The following SAMD5 variants were observed in gnomAD, a reference collection of about 807,000 sequenced individuals.
SAMD5 encodes sterile alpha motif domain containing 5, also known as sterile alpha motif domain-containing protein 5.
A neutral mutation model predicts 11.3 loss-of-function variants in SAMD5; 13 were observed. The observed-to-expected ratio is 1.15, with a 90% CI of 0.75 to 1.83. The LOEUF (loss-of-function observed/expected upper bound fraction) is 1.83, where lower values mean the gene tolerates loss of function less well. Ranked by LOEUF, SAMD5 falls within the 40% of genes most tolerant of loss-of-function variation. The pLI, the probability that SAMD5 is intolerant of heterozygous loss-of-function variation, is 0.00. For missense variants in SAMD5, 255 were observed against 239.1 expected, an observed-to-expected ratio of 1.07 and a Z score of -0.44; for synonymous variants, 129 against 111.3, an observed-to-expected ratio of 1.16 and a Z score of -1.00.
the SAMD5 span, among the ~76,000 whole-genome samples, chr6:147,937,702 C>G: frequency 1.3e-5 from 2 of 152,126 alleles, no homozygotes; most frequent in Non-Finnish European, 2.9e-5. Flanking sequence ...TTCTTAATAA[C>G]CAGAGGGTTA....
At chr6:147,728,081 A>T (rs1185583385) in intron 1 of SAMD5, among the ~76,000 whole-genome samples, 2 of 152,210 alleles carry the variant, frequency 1.3e-5, no homozygotes, top group Non-Finnish European at 2.9e-5. Flanking sequence ...TGTAATTCTG[A>T]TGAGTTAGTA....
At chr6:147,651,510 T>G (rs1423378464) in intron 1 of SAMD5, among the ~76,000 whole-genome samples, 1 of 152,116 alleles carries the variant, frequency 6.6e-6, no homozygotes, top group Non-Finnish European at 1.5e-5. Context: ...ATGAGGGAAG[T>G]GCTCTTATGA....
At chr6:147,514,586 C>T (rs1788136559) in intron 1 of SAMD5, among the ~76,000 whole-genome samples, 1 of 151,948 alleles carries the variant, frequency 6.6e-6, no homozygotes, top group South Asian at 2.1e-4. Context: ...TCATGTCTAG[C>T]AGTGCTTATA....
At chr6:147,843,843 C>T in the SAMD5 span, among the ~76,000 whole-genome samples, 1 of 152,026 alleles carries the variant, frequency 6.6e-6, no homozygotes, top group Non-Finnish European at 1.5e-5. Context: ...TGAATCAACT[C>T]CAAATGTATT....
chr6:147,553,728 T>G (rs1788809483), intron 1 of SAMD5, among the ~76,000 whole-genome samples: 1 of 152,224 alleles, frequency 6.6e-6, no homozygotes. Context: ...TCTTCCGAGT[T>G]CATTTGGACA....
At chr6:147,530,152 T>A (rs1788406197) in intron 1 of SAMD5, among the ~76,000 whole-genome samples, 1 of 152,240 alleles carries the variant, frequency 6.6e-6, no homozygotes, top group South Asian at 2.1e-4. Flanking sequence ...TATTAGAGGT[T>A]TCGCTGCAGA....
intron 1 of SAMD5, among the ~76,000 whole-genome samples, chr6:147,647,938 A>G (rs1790429206): frequency 6.6e-6 from 1 of 152,234 alleles, no homozygotes; most frequent in African/African-American, 2.4e-5. Flanking sequence ...CTGTTGGACC[A>G]CTACAAGAGA....
the SAMD5 span, among the ~76,000 whole-genome samples, chr6:147,760,676 A>T: frequency 6.6e-6 from 1 of 152,208 alleles, no homozygotes; most frequent in East Asian, 1.9e-4. Context: ...TCTTTACAAG[A>T]TCACATGAAT....
chr6:147,742,612 T>C, the SAMD5 span, among the ~76,000 whole-genome samples: 895 of 152,350 alleles, frequency 5.9e-3, 16 homozygotes, highest in African/African-American at 0.02. Context: ...AGGTAGACTC[T>C]GAAGGAGGCA....
At chr6:147,742,797 T>C in the SAMD5 span, among the ~76,000 whole-genome samples, 1 of 152,192 alleles carries the variant, frequency 6.6e-6, no homozygotes, top group Non-Finnish European at 1.5e-5. Context: ...CTAAAAATGA[T>C]TTTCCCTCTT....
At chr6:147,583,120 A>T (rs1216791214) in intron 1 of SAMD5, among the ~76,000 whole-genome samples, 1 of 152,244 alleles carries the variant, frequency 6.6e-6, no homozygotes, top group Non-Finnish European at 1.5e-5. Flanking sequence ...ATCCATATCT[A>T]GTTTTACACA....
intron 1 of SAMD5, among the ~76,000 whole-genome samples, chr6:147,643,447 C>T (rs1790344016): frequency 6.6e-6 from 1 of 152,042 alleles, no homozygotes. Flanking sequence ...AGTTCTATTC[C>T]TTCATTTGAC....
chr6:147,795,918 T>C, the SAMD5 span, among the ~76,000 whole-genome samples: 179 of 152,092 alleles, frequency 1.2e-3, 1 homozygote, highest in African/African-American at 4.2e-3. Flanking sequence ...GGGTTGTTTG[T>C]TTTTTTCTTG....
At chr6:147,778,380 G>A in the SAMD5 span, among the ~76,000 whole-genome samples, 4 of 152,218 alleles carry the variant, frequency 2.6e-5, no homozygotes, top group East Asian at 7.7e-4. Flanking sequence ...TGCCTGGTGG[G>A]CATTTCTACT....
chr6:147,573,782 G>A (rs1789173120), downstream of SAMD5, among the ~76,000 whole-genome samples: 1 of 152,150 alleles, frequency 6.6e-6, no homozygotes, highest in Non-Finnish European at 1.5e-5. Flanking sequence ...CAGAAAAGAA[G>A]TTTGTGACTC....
chr6:147,540,671 A>G (rs1417137692), intron 1 of SAMD5, among the ~76,000 whole-genome samples: 1 of 152,152 alleles, frequency 6.6e-6, no homozygotes, highest in Non-Finnish European at 1.5e-5. Flanking sequence ...AAAGTACACC[A>G]GATTTGCTAC....
chr6:147,919,858 G>A, the SAMD5 span, among the ~76,000 whole-genome samples: 2 of 152,304 alleles, frequency 1.3e-5, no homozygotes, highest in African/African-American at 4.8e-5. Flanking sequence ...GGGAAGCAAC[G>A]TGACCTCATA....
chr6:147,781,115 C>T, the SAMD5 span, among the ~76,000 whole-genome samples: 1 of 149,932 alleles, frequency 6.7e-6, no homozygotes, highest in Admixed American at 6.6e-5. Context: ...ATTTTGTCAT[C>T]TGCCTCAAAT....
intron 1 of SAMD5, among the ~76,000 whole-genome samples, chr6:147,704,823 C>T (rs1791303532): frequency 6.6e-6 from 1 of 152,174 alleles, no homozygotes; most frequent in Non-Finnish European, 1.5e-5. Context: ...CTTTTCTGTT[C>T]CTCCTTGGGG....
Sources: gnomAD v4.1 joint callset for allele counts (sites outside exome capture counted in the v4.1 genomes callset) on GRCh38, gnomAD v4.1.1 for gene constraint, MANE v1.5 for transcripts, NCBI Gene and HGNC (gene_info 2026-07-23, HGNC 2026-07-21) for gene names.